The following ATG10 variants were observed in gnomAD, a reference collection of about 807,000 sequenced individuals.
The protein encoded by ATG10 is autophagy related 10.
Under a neutral mutation model 32.1 loss-of-function variants are expected in ATG10, and 30 were observed. That is an observed-to-expected ratio of 0.94 (90% confidence interval 0.70 to 1.27). The LOEUF (loss-of-function observed/expected upper bound fraction) is 1.27, where lower values mean the gene tolerates loss of function less well. Among genes scored for constraint, ATG10 ranks in the 50% most tolerant of loss-of-function variants. The pLI, the probability that ATG10 is intolerant of heterozygous loss-of-function variation, is 0.00. For missense variants in ATG10, 233 were observed against 262.3 expected (o/e 0.89, Z 0.77); for synonymous variants, 87 against 91.5 (o/e 0.95, Z 0.28).
intron 3 of ATG10, among the ~76,000 whole-genome samples, chr5:82,161,488 A>G (rs917573455): frequency 5.3e-5 from 8 of 152,106 alleles, no homozygotes; most frequent in African/African-American, 1.9e-4. Flanking sequence ...CAACCCCAGC[A>G]CATTCCTGAG....
intron 5 of ATG10, among the ~76,000 whole-genome samples, chr5:82,202,120 A>G (rs887339113): frequency 3.3e-5 from 5 of 152,108 alleles, no homozygotes; most frequent in African/African-American, 1.2e-4. Flanking sequence ...GCCACATTGC[A>G]CTGGCTAAGA....
chr5:81,982,818 GCC>G (rs1223935474), intron 1 of ATG10, among the ~76,000 whole-genome samples: 1 of 152,190 alleles, frequency 6.6e-6, no homozygotes, highest in African/African-American at 2.4e-5. Flanking sequence ...ATCTTGCACC[GCC>G]CTTAATCCAT....
intron 2 of ATG10, among the ~76,000 whole-genome samples, chr5:82,045,422 C>T (rs1308457873): frequency 6.6e-6 from 1 of 152,052 alleles, no homozygotes; most frequent in Non-Finnish European, 1.5e-5. Flanking sequence ...ATGATCAACT[C>T]ATGGAACTGA....
At chr5:82,196,824 G>A (rs4703870) in intron 5 of ATG10, among the ~76,000 whole-genome samples, 123,147 of 152,138 alleles carry the variant, frequency 0.81, 50,225 homozygotes, top group East Asian at 0.99. Flanking sequence ...ATTGGGAAAC[G>A]TAAGCCCACC....
At chr5:82,164,620 AGG>A in intron 4 of ATG10, 83 bp downstream of exon 4, 1 of 1,354,896 alleles carries the variant, frequency 7.4e-7, no homozygotes. Flanking sequence ...TATTCTCCAG[AGG>A]AAAAAAAATA....
At chr5:82,038,173 G>C (rs1377084667) in intron 2 of ATG10, among the ~76,000 whole-genome samples, 1 of 152,188 alleles carries the variant, frequency 6.6e-6, no homozygotes, top group Non-Finnish European at 1.5e-5. Flanking sequence ...ACAAGACAGG[G>C]AGAGTAAAGC....
rs1339449486 is a variant in ATG10, at chr5:82,041,696, T to C, written c.109-16799T>C. On this transcript the variant is annotated intron_variant, in intron 2 of 7. Coordinates refer to ENST00000282185, the MANE Select transcript of ATG10 (RefSeq NM_031482.5). Reference sequence around the variant, plus strand: ...GTAAATGAGCTCTAGAAATCTTTGATGTGCTTAAAGTTTGATAAAATAAGA... The same window carrying C: ...GTAAATGAGCTCTAGAAATCTTTGACGTGCTTAAAGTTTGATAAAATAAGA... 3.3e-5 allele frequency among the ~76,000 whole-genome samples: 5 copies of C among 152,306 alleles called. No individual in the cohort carries two copies. In the East Asian group the frequency reaches 9.6e-4, roughly 29 times the overall value.
At chr5:82,170,610 G>T (rs1338125835) in intron 4 of ATG10, among the ~76,000 whole-genome samples, 1 of 152,094 alleles carries the variant, frequency 6.6e-6, no homozygotes, top group African/African-American at 2.4e-5. Context: ...TTAATCTCAA[G>T]AGTTTGGGAT....
At chr5:82,138,080 C>T (rs1194721288) in intron 3 of ATG10, among the ~76,000 whole-genome samples, 1 of 152,126 alleles carries the variant, frequency 6.6e-6, no homozygotes, top group Non-Finnish European at 1.5e-5. Flanking sequence ...CTGTCCCCAG[C>T]AAGCTTGAGT....
intron 3 of ATG10, among the ~76,000 whole-genome samples, chr5:82,124,654 TG>T (rs1766187865): frequency 6.6e-6 from 1 of 152,082 alleles, no homozygotes; most frequent in African/African-American, 2.4e-5. Flanking sequence ...TATTCCATGG[TG>T]TATATGTGCC....
intron 5 of ATG10, among the ~76,000 whole-genome samples, chr5:82,195,517 C>T (rs1744819514): frequency 1.3e-5 from 2 of 152,158 alleles, no homozygotes; most frequent in Non-Finnish European, 2.9e-5. Context: ...CTATGTTTAT[C>T]ACGAGTTTAC....
chr5:82,070,641 T>C (rs949259471), intron 3 of ATG10, among the ~76,000 whole-genome samples: 1 of 152,168 alleles, frequency 6.6e-6, no homozygotes, highest in Non-Finnish European at 1.5e-5. Context: ...GCTTTCTTAC[T>C]TAGTCTTGAC....
intron 4 of ATG10, among the ~76,000 whole-genome samples, chr5:82,164,791 C>A (rs1275224385): frequency 6.6e-6 from 1 of 152,182 alleles, no homozygotes. Context: ...ACTAAGCCCC[C>A]TGGCCCTTTT....
intron 3 of ATG10, among the ~76,000 whole-genome samples, chr5:82,065,908 T>G (rs1274565080): frequency 6.6e-6 from 1 of 152,148 alleles, no homozygotes; most frequent in Non-Finnish European, 1.5e-5. Flanking sequence ...AAGTTTTTTT[T>G]TTAAGGTTCT....
intron 2 of ATG10, among the ~76,000 whole-genome samples, chr5:82,032,404 T>A (rs1406850184): frequency 2.0e-5 from 3 of 152,220 alleles, no homozygotes; most frequent in Non-Finnish European, 4.4e-5. Context: ...ATTCTTTGAT[T>A]GATCTTTTTG....
intron 5 of ATG10, among the ~76,000 whole-genome samples, chr5:82,198,322 G>T (rs553903378): frequency 6.6e-6 from 1 of 152,268 alleles, no homozygotes; most frequent in East Asian, 1.9e-4. Flanking sequence ...TGACAGGATC[G>T]TGGCTCACTG....
intron 3 of ATG10, among the ~76,000 whole-genome samples, chr5:82,076,478 C>T (rs1402214662): frequency 6.6e-6 from 1 of 152,162 alleles, no homozygotes; most frequent in East Asian, 1.9e-4. Context: ...TAGGAGAATA[C>T]AGAAATCCTC....
At chr5:82,069,594 G>A (rs1764055970) in intron 3 of ATG10, among the ~76,000 whole-genome samples, 1 of 152,036 alleles carries the variant, frequency 6.6e-6, no homozygotes, top group African/African-American at 2.4e-5. Context: ...CACAGTGCCT[G>A]GCACATAAAT....
chr5:81,995,386 G>A (rs955274006), intron 2 of ATG10, among the ~76,000 whole-genome samples: 6 of 151,992 alleles, frequency 3.9e-5, no homozygotes, highest in Non-Finnish European at 8.8e-5. Context: ...CAAGCGATCC[G>A]CCCATCTCAG....
Sources: gnomAD v4.1 joint callset for allele counts (sites outside exome capture counted in the v4.1 genomes callset) on GRCh38, gnomAD v4.1.1 for gene constraint, MANE v1.5 for transcripts, NCBI Gene and HGNC (gene_info 2026-07-23, HGNC 2026-07-21) for gene names.